Variants in JKAMP observed in about 807,000 individuals in gnomAD.
The protein encoded by JKAMP is JNK1/MAPK8 associated membrane protein, also known as JNK1/MAPK8-associated membrane protein.
JKAMP carries 20 observed loss-of-function variants against 40.2 expected under a neutral mutation model. The ratio of observed to expected loss-of-function variants is 0.50; its 90% CI spans 0.35 to 0.72. The LOEUF (loss-of-function observed/expected upper bound fraction) is 0.72, where lower values mean the gene tolerates loss of function less well. Among genes scored for constraint, JKAMP ranks in the 30% least tolerant of loss-of-function variants. JKAMP has a pLI of 0.01. For synonymous variants in JKAMP, 138 were observed against 131.6 expected (o/e 1.05, Z -0.33); for missense variants, 276 against 373.0 (o/e 0.74, Z 2.14).
rs534097177 is a variant in JKAMP at position 59,496,201 on chromosome 14, C to T, written c.458+977C>T. The stretch of plus-strand genomic sequence containing the variant: ...GATTACAGGCGTGAGCCACTGTGCC[C>T]GGCCTCTCCCTGCCAGTTCTTAGGT... On this transcript the variant is annotated intron_variant, in intron 4 of 6. Transcript: ENST00000616435. Among the ~76,000 whole-genome samples, 69 of 152,000 alleles carry T rather than the reference C, an allele frequency of 4.5e-4. 1 individual carries two copies. The highest frequency in any genetic ancestry group is 9.7e-4 in the East Asian group (5 of 5,172).
chr14:59,492,322 A>G (rs1431198312), intron 3 of JKAMP, among the ~76,000 whole-genome samples: 1 of 152,252 alleles, frequency 6.6e-6, no homozygotes, highest in East Asian at 1.9e-4. Context: ...AAATGCATAG[A>G]AATAATGGAA....
chr14:59,487,469 A>C, intron 2 of JKAMP: 1 of 412,264 alleles, frequency 2.4e-6, no homozygotes, highest in East Asian at 3.5e-5. Context: ...TAGTAAAAGG[A>C]ATCTTCTAAG....
At chr14:59,497,883 C>T (rs550373879) in intron 4 of JKAMP, among the ~76,000 whole-genome samples, 38 of 152,254 alleles carry the variant, frequency 2.5e-4, no homozygotes, top group African/African-American at 9.1e-4. Context: ...CTTCCTAGGA[C>T]ACTCCCCTGT....
intron 4 of JKAMP, 178 bp downstream of exon 4, chr14:59,495,402 A>G: frequency 1.7e-6 from 1 of 576,480 alleles, no homozygotes; most frequent in Non-Finnish European, 3.1e-6. Flanking sequence ...TCTTTGGTAA[A>G]ATGGGAATAA....
chr14:59,486,504 G>C (rs192333874), intron 1 of JKAMP, among the ~76,000 whole-genome samples: 8 of 152,294 alleles, frequency 5.3e-5, no homozygotes, highest in Non-Finnish European at 1.0e-4. Flanking sequence ...CATAAGGCAC[G>C]GTATTAACAG....
At chr14:59,485,277 T>C (rs1035721430) in intron 1 of JKAMP, among the ~76,000 whole-genome samples, 1 of 152,200 alleles carries the variant, frequency 6.6e-6, no homozygotes, top group Non-Finnish European at 1.5e-5. Flanking sequence ...TCTGCATTCT[T>C]GAAAAACCTG....
At chr14:59,491,527 A>G (rs1891004029) in intron 3 of JKAMP, among the ~76,000 whole-genome samples, 2 of 152,214 alleles carry the variant, frequency 1.3e-5, no homozygotes, top group Non-Finnish European at 2.9e-5. Context: ...AAAATGTCAA[A>G]TTATGTAATG....
chr14:59,504,106 G>A lies in JKAMP; in HGVS notation c.*34G>A. ...ATGTGAAATGCCAAAAACCTGAGAA[G>A]TGCTCCTAATAAAAAAGTAAATCAA... On this transcript the variant is annotated 3_prime_UTR_variant, in exon 7 of 7. Transcript: ENST00000616435. The A allele has an allele frequency of 1.5e-6, 2 of 1,305,132 alleles. No homozygotes were observed. The highest frequency in any genetic ancestry group is 1.2e-5 in the South Asian group (1 of 83,790). The allele number at this position is 1,305,132 out of a possible 1,614,324, so 80.8% of individuals were successfully genotyped here. A position where few individuals can be genotyped will look rare whatever the true frequency, so the allele number is the denominator to read the frequency against.
intron 3 of JKAMP, among the ~76,000 whole-genome samples, chr14:59,490,154 G>A (rs556357060): frequency 2.0e-5 from 3 of 152,080 alleles, no homozygotes; most frequent in Admixed American, 1.3e-4. Flanking sequence ...TCTCCTGGGC[G>A]CAAGCAGTCC....
intron 5 of JKAMP, among the ~76,000 whole-genome samples, chr14:59,500,368 T>A (rs1406995214): frequency 1.3e-5 from 2 of 152,224 alleles, no homozygotes; most frequent in Non-Finnish European, 2.9e-5. Context: ...CATTTACAAA[T>A]AATGTATGAA....
intron 3 of JKAMP, among the ~76,000 whole-genome samples, chr14:59,490,567 G>C (rs1408915777): frequency 6.6e-6 from 1 of 152,188 alleles, no homozygotes; most frequent in Non-Finnish European, 1.5e-5. Flanking sequence ...ATAGACTATG[G>C]TAGTTGGAAT....
At chr14:59,485,373 G>T in intron 1 of JKAMP, 1 of 369,020 alleles carries the variant, frequency 2.7e-6, no homozygotes, top group Admixed American at 4.6e-5. Flanking sequence ...GAGGCCAGTG[G>T]GTTTAAAAAG....
At chr14:59,494,877 G>T (rs1172861228) in intron 3 of JKAMP, 141 bp from the exon 4 acceptor site, 2 of 628,728 alleles carry the variant, frequency 3.2e-6, no homozygotes, top group Non-Finnish European at 5.6e-6. Context: ...TATCCCTTTT[G>T]AGAAAAAAAG....
intron 5 of JKAMP, among the ~76,000 whole-genome samples, chr14:59,499,133 C>T (rs978811804): frequency 6.9e-6 from 1 of 144,356 alleles, no homozygotes; most frequent in African/African-American, 2.6e-5. Context: ...AATTGATTCT[C>T]CTGCCTCAGC....
In JKAMP at chr14:59,505,155, A is replaced by T; in HGVS notation, c.*1083A>T. On this transcript the variant is annotated 3_prime_UTR_variant, in exon 7 of 7. Coordinates refer to ENST00000616435, the MANE Select transcript of JKAMP (RefSeq NM_016475.5). ...ATTTTAAATGTTTAAGACTTCTATT[A>T]ACAGCTGCAAAATATGAAAGTAAGT... 1 of 600,670 alleles carries T rather than the reference A, an allele frequency of 1.7e-6. No homozygotes were observed. Among genetic ancestry groups the T allele is most frequent in the Non-Finnish European group, 2.7e-6 (1 of 369,454 alleles). The allele number at this position is 600,670 out of a possible 1,614,324, so 37.2% of individuals were successfully genotyped here.
intron 2 of JKAMP, among the ~76,000 whole-genome samples, 196 bp downstream of exon 2, chr14:59,487,000 AGACCAGCCT>A (rs1474962484): frequency 1.3e-5 from 2 of 152,202 alleles, no homozygotes; most frequent in Non-Finnish European, 2.9e-5. Context: ...CAGGAGTTCG[AGACCAGCCT>A]GACCAATATG....
chr14:59,500,914 C>T (rs988983587), intron 5 of JKAMP: 11 of 296,686 alleles, frequency 3.7e-5, no homozygotes, highest in South Asian at 3.6e-4. Context: ...GGAACACAGC[C>T]GTGCCCATTC....
At position 59,504,301 on chromosome 14, in the gene JKAMP, GGCC is replaced by G. The variant is rs1163241099; in HGVS notation, c.*232_*234del. ...GGTAATATTATCTGCTACACTGGAAGGCCGCTAGGAAGCCCTTGCTTCTCTCAA... is the reference window on the plus strand; with the variant it reads ...GGTAATATTATCTGCTACACTGGAAGGCTAGGAAGCCCTTGCTTCTCTCAA... On this transcript the variant is annotated 3_prime_UTR_variant, in exon 7 of 7. Coordinates refer to ENST00000616435, the MANE Select transcript of JKAMP (RefSeq NM_016475.5). 2 of 493,594 alleles carry G rather than the reference GGCC, an allele frequency of 4.1e-6. No individual in the cohort carries two copies. The highest frequency in any genetic ancestry group is 7.2e-6 in the Non-Finnish European group (2 of 279,658). 30.6% of individuals were successfully genotyped at this position (493,594 alleles called of 1,614,324 possible).
chr14:59,502,656 A>AAGAT (rs1891967917), intron 6 of JKAMP, among the ~76,000 whole-genome samples: 1 of 152,046 alleles, frequency 6.6e-6, no homozygotes, highest in Non-Finnish European at 1.5e-5. Context: ...ATAATTAAAG[A>AAGAT]AGATAGGAAA....
Sources: allele counts gnomAD v4.1 joint callset (sites outside exome capture counted in the v4.1 genomes callset), GRCh38; gene constraint gnomAD v4.1.1; transcripts MANE v1.5; gene names NCBI Gene and HGNC (gene_info 2026-07-23, HGNC 2026-07-21).